Variants in KIAA2012 observed in about 807,000 individuals in gnomAD.
KIAA2012 encodes the protein KIAA2012, also known as uncharacterized protein KIAA2012.
A neutral mutation model predicts 150.6 loss-of-function variants in KIAA2012; 125 were observed. That is an observed-to-expected ratio of 0.83 (90% CI 0.72 to 0.96). The LOEUF (loss-of-function observed/expected upper bound fraction) is 0.96. Among genes scored for constraint, KIAA2012 ranks in the 40% least tolerant of loss-of-function variants. KIAA2012 has a pLI of 0.00. For synonymous variants in KIAA2012, 462 were observed against 504.7 expected (o/e 0.92, Z 1.13); for missense variants, 1,219 against 1,354.9 (o/e 0.90, Z 1.57).
intron 3 of KIAA2012, among the ~76,000 whole-genome samples, chr2:202,092,157 G>A (rs185764452): frequency 6.6e-6 from 1 of 152,296 alleles, no homozygotes; most frequent in African/African-American, 2.4e-5. Context: ...GCTAAAATGT[G>A]TGGTTTAAGG....
intron 18 of KIAA2012, 39 bp downstream of exon 18, chr2:202,188,305 C>T (rs1376916207): frequency 6.0e-6 from 9 of 1,497,954 alleles, no homozygotes; most frequent in South Asian, 1.2e-5. Flanking sequence ...CTGGAGAAGA[C>T]TTCTGTTAGG....
intron 12 of KIAA2012, among the ~76,000 whole-genome samples, chr2:202,128,440 T>G (rs559327300): frequency 0.016 from 548 of 35,104 alleles, 5 homozygotes; most frequent in South Asian, 0.02. Context: ...TTTTTGGGGG[T>G]TTTTTTTTTT....
rs1047502174 is a variant in KIAA2012 at position 202,190,236 on chromosome 2, A to G, written c.2554A>G (p.Arg852Gly). 3 of 1,539,346 alleles carry G rather than the reference A, an allele frequency of 1.9e-6. No individual in the cohort carries two copies. Among genetic ancestry groups the G allele is most frequent in the Non-Finnish European group, 2.6e-6 (3 of 1,144,450 alleles). The change falls in exon 19 of 24, where the codon AGG becomes GGG. Residue 852 changes from arginine (R) to glycine (G), a missense_variant. By Grantham distance (125) the Arg-to-Gly change is moderately radical. Transcript: ENST00000498697. ...LEKKTRPQRK[R>G]TQKERNLEIA... ...AAAAAAAACAAGACCCCAAAGGAAA[A>G]GGACACAGAAGGAAAGAAATCTGGA...
chr2:202,202,354 A>G, intron 22 of KIAA2012, 75 bp from the exon 23 acceptor site: 1 of 401,064 alleles, frequency 2.5e-6, no homozygotes, highest in Non-Finnish European at 4.4e-6. Context: ...ATCTAAAGTT[A>G]TCTTGCTGGC....
chr2:202,199,086 A>G (rs1222458373), intron 22 of KIAA2012, among the ~76,000 whole-genome samples: 2 of 152,220 alleles, frequency 1.3e-5, no homozygotes, highest in Admixed American at 6.5e-5. Context: ...CGGTCATCCA[A>G]GAGAAATCTG....
intron 2 of KIAA2012, among the ~76,000 whole-genome samples, chr2:202,078,377 C>T (rs1689371231): frequency 6.6e-6 from 1 of 152,228 alleles, no homozygotes; most frequent in South Asian, 2.1e-4. Context: ...CGGCCTCAAA[C>T]TCCTGGGCTC....
intron 21 of KIAA2012, among the ~76,000 whole-genome samples, chr2:202,196,561 A>C (rs2105752706): frequency 6.6e-6 from 1 of 152,068 alleles, no homozygotes; most frequent in South Asian, 2.1e-4. Flanking sequence ...ATACCACCAC[A>C]TAAGCACACC....
At chr2:202,162,144 T>C (rs2105719306) in intron 14 of KIAA2012, among the ~76,000 whole-genome samples, 1 of 152,292 alleles carries the variant, frequency 6.6e-6, no homozygotes, top group East Asian at 1.9e-4. Context: ...CTGGAGTTGC[T>C]AGTTTCCTGT....
In KIAA2012 at chr2:202,169,524, T is replaced by C. The variant is rs1691841713; in HGVS notation, c.2119+4168T>C. On this transcript the variant is annotated intron_variant, in intron 15 of 23. Transcript: ENST00000498697. ...GGAGGACACTGGCTCTGTCAGCTTC[T>C]CAGTGAGTGTCCCAGCAGCCAATGC... is the stretch of plus-strand genomic sequence containing the variant. Among the ~76,000 whole-genome samples the C allele has an allele frequency of 2.0e-5, 3 of 152,160 alleles. No homozygotes were observed. In the South Asian group the frequency reaches 6.2e-4, roughly 32 times the overall value.
chr2:202,074,816 G>A, intron 1 of KIAA2012, 75 bp from the exon 2 acceptor site: 7 of 1,421,554 alleles, frequency 4.9e-6, no homozygotes, highest in Non-Finnish European at 5.6e-6. Flanking sequence ...AATGCCGAAG[G>A]CTTTGCACAA....
At chr2:202,099,863 A>G (rs1689998261) in intron 6 of KIAA2012, 67 bp downstream of exon 6, 1 of 1,320,534 alleles carries the variant, frequency 7.6e-7, no homozygotes, top group Non-Finnish European at 1.0e-6. Flanking sequence ...ATTTAAGGAC[A>G]CTGAGGCATG....
chr2:202,112,598 C>A (rs1351507018), intron 10 of KIAA2012, among the ~76,000 whole-genome samples: 2 of 152,094 alleles, frequency 1.3e-5, no homozygotes, highest in Non-Finnish European at 2.9e-5. Flanking sequence ...CTGAGCCCTA[C>A]CCTGTGGGAT....
At chr2:202,188,049 C>T in intron 17 of KIAA2012, 103 bp from the exon 18 acceptor site, 1 of 913,990 alleles carries the variant, frequency 1.1e-6, no homozygotes, top group South Asian at 1.9e-5. Context: ...ACACAAATTC[C>T]ATTCTAAGCC....
intron 15 of KIAA2012, chr2:202,179,416 A>C (rs1692070894): frequency 1.4e-6 from 1 of 739,718 alleles, no homozygotes; most frequent in South Asian, 1.3e-5. Context: ...TTAAAGCGGC[A>C]AATGGTGTGG....
At chr2:202,089,337 C>T (rs1436649269) in intron 2 of KIAA2012, among the ~76,000 whole-genome samples, 1 of 152,190 alleles carries the variant, frequency 6.6e-6, no homozygotes, top group East Asian at 1.9e-4. Context: ...GAATATAGTT[C>T]TTACAGTCTG....
In KIAA2012 at chr2:202,161,358, T is replaced by C. The variant is rs1351398664; in HGVS notation, c.2047-3926T>C. 2.0e-5 allele frequency among the ~76,000 whole-genome samples: 3 copies of C among 152,206 alleles called. No homozygotes were observed. In the East Asian group the frequency reaches 5.8e-4, roughly 29 times the overall value. On this transcript the variant is annotated intron_variant, in intron 14 of 23. Transcript: ENST00000498697. ...AAATACAGCTCAGTCTTATCAGTGG[T>C]TTGCTTGAAATTCTTTACTGTGTCC...
chr2:202,188,694 G>A (rs1384903809), intron 18 of KIAA2012, among the ~76,000 whole-genome samples: 4 of 152,138 alleles, frequency 2.6e-5, no homozygotes, highest in African/African-American at 7.2e-5. Flanking sequence ...CCCAGGGCTT[G>A]TCCTTTCCTA....
At chr2:202,154,850 A>C in intron 14 of KIAA2012, 40 bp downstream of exon 14, 1 of 1,521,006 alleles carries the variant, frequency 6.6e-7, no homozygotes, top group Non-Finnish European at 8.8e-7. Context: ...TTATAGACAC[A>C]AACACAGGAA....
chr2:202,145,230 C>T (rs1254567449), intron 13 of KIAA2012, among the ~76,000 whole-genome samples: 3 of 152,176 alleles, frequency 2.0e-5, no homozygotes, highest in South Asian at 4.1e-4. Flanking sequence ...CAACGTTCAC[C>T]TATTTCCATG....
Sources: allele counts gnomAD v4.1 joint callset (sites outside exome capture counted in the v4.1 genomes callset), GRCh38; gene constraint gnomAD v4.1.1; transcripts MANE v1.5; gene names NCBI Gene and HGNC (gene_info 2026-07-23, HGNC 2026-07-21).